PIEZO2: variants seen among roughly 807,000 people sequenced by gnomAD.
PIEZO2 encodes piezo type mechanosensitive ion channel component 2.
Under a neutral mutation model 337.3 loss-of-function variants are expected in PIEZO2, and 172 were observed. That is an observed-to-expected ratio of 0.51 (90% CI 0.45 to 0.58). The LOEUF is 0.58. Ranked by LOEUF, PIEZO2 falls within the 20% of genes least tolerant of loss-of-function variation. The probability of loss-of-function intolerance (pLI) is 0.00; values close to 1 mark genes in which losing one functional copy is unlikely to be tolerated. For missense variants in PIEZO2, 3,028 were observed against 3,391.3 expected (o/e 0.89, Z 2.66); for synonymous variants, 1,251 against 1,228.5 (o/e 1.02, Z -0.38).
In PIEZO2 at chr18:10,726,331, C is replaced by A; in HGVS notation, c.5029+5076G>T. ...GTGGAGCAGGTGGGTCCCCGAACGC[C>A]CCGCCCAGCGCTGCCTCCCTTCGCC... On this transcript the variant is annotated intron_variant, in intron 36 of 55. Coordinates refer to ENST00000674853, the MANE Select transcript of PIEZO2 (RefSeq NM_001378183.1). The surrounding 1 kb of genome is among the most constrained non-coding windows in gnomAD (Gnocchi z 5.9). 6.9e-7 allele frequency: 1 copy of A among 1,444,990 alleles called. No homozygotes were observed. Among genetic ancestry groups the A allele is most frequent in the African/African-American group, 1.4e-5 (1 of 70,488 alleles). The allele number at this position is 1,444,990 out of a possible 1,614,324, so 89.5% of individuals were successfully genotyped here. A position where few individuals can be genotyped will look rare whatever the true frequency, so the allele number is the denominator to read the frequency against.
rs2039211697 is a variant in PIEZO2, at chr18:11,094,690, G to T, written c.65-28468C>A. Reference sequence around the variant, plus strand: ...GAAGAAATTCCTTTTGAATTTTTCTGTACAGATTCTAACAGGAAAGAAAAA... The same window carrying T: ...GAAGAAATTCCTTTTGAATTTTTCTTTACAGATTCTAACAGGAAAGAAAAA... On this transcript the variant is annotated intron_variant, in intron 1 of 55. Coordinates refer to ENST00000674853, the MANE Select transcript of PIEZO2 (RefSeq NM_001378183.1). This position sits in a 1 kb window ranked among gnomAD's most constrained non-coding sequence, Gnocchi z 4.4. Among the ~76,000 whole-genome samples the T allele has an allele frequency of 6.6e-6, 1 of 152,176 alleles. No individual in the cohort carries two copies. The highest frequency in any genetic ancestry group is 1.5e-5 in the Non-Finnish European group (1 of 68,038).
intron 27 of PIEZO2, among the ~76,000 whole-genome samples, chr18:10,755,424 T>C (rs2037798989): frequency 6.6e-6 from 1 of 152,110 alleles, no homozygotes; most frequent in Non-Finnish European, 1.5e-5. Flanking sequence ...GTATGAAAAG[T>C]CACAGCAGCT....
chr18:10,893,942 C>T (rs2042824566), intron 4 of PIEZO2, among the ~76,000 whole-genome samples: 1 of 152,122 alleles, frequency 6.6e-6, no homozygotes, highest in African/African-American at 2.4e-5. Context: ...ATGAGTGAGG[C>T]AGGAGAGGAT....
At chr18:10,836,489 G>T (rs1376768962) in intron 7 of PIEZO2, among the ~76,000 whole-genome samples, 1 of 152,158 alleles carries the variant, frequency 6.6e-6, no homozygotes, top group East Asian at 1.9e-4. Flanking sequence ...GAGGAAAGGA[G>T]CTACAACTAG....
intron 2 of PIEZO2, among the ~76,000 whole-genome samples, chr18:11,013,193 AT>A (rs2035965671): frequency 6.6e-6 from 1 of 152,220 alleles, no homozygotes; most frequent in South Asian, 2.1e-4. Flanking sequence ...TTGAGAGATG[AT>A]TGTGGACTAC....
chr18:10,839,370 G>T (rs1232832534), intron 7 of PIEZO2, among the ~76,000 whole-genome samples: 7 of 152,194 alleles, frequency 4.6e-5, no homozygotes, highest in Admixed American at 4.6e-4. Flanking sequence ...TCTGTGTTGG[G>T]TTCTACCTGC....
In PIEZO2 at chr18:10,747,215, G is replaced by A. The variant is rs557980603; in HGVS notation, c.4424+1256C>T. Among the ~76,000 whole-genome samples, 80 of 152,276 alleles carry A rather than the reference G, an allele frequency of 5.3e-4. No individual in the cohort carries two copies. The Middle Eastern group carries it at 0.01, about 19-fold the overall frequency. On this transcript the variant is annotated intron_variant, in intron 30 of 55. Coordinates refer to ENST00000674853, the MANE Select transcript of PIEZO2 (RefSeq NM_001378183.1). Reference sequence around the variant, plus strand: ...GTGACAACTTTGGGAAAAAGACACCGGGGAACATTCTCGTTTGAGAGATGG... The same window carrying A: ...GTGACAACTTTGGGAAAAAGACACCAGGGAACATTCTCGTTTGAGAGATGG...
rs56275136 is a variant in PIEZO2, at chr18:11,001,905, AGAAGGAAGGAAG to A, written c.161-22257_161-22246del. On this transcript the variant is annotated intron_variant, in intron 2 of 55. Coordinates refer to ENST00000674853, the MANE Select transcript of PIEZO2 (RefSeq NM_001378183.1). This position sits in a 1 kb window ranked among gnomAD's most constrained non-coding sequence, Gnocchi z 5.3. Reference sequence around the variant, plus strand: ...AAAAGGAGAAAAAGGGAAGGAAGGAAGAAGGAAGGAAGGAAGGAAGGAAGGAAGGAAGGAAGG... The same window carrying A: ...AAAAGGAGAAAAAGGGAAGGAAGGAAGAAGGAAGGAAGGAAGGAAGGAAGG... 0.19 allele frequency among the ~76,000 whole-genome samples: 27,066 copies of A among 139,192 alleles called. 2,598 individuals are homozygous for A. Among genetic ancestry groups the A allele is most frequent in the Middle Eastern group, 0.29 (82 of 280 alleles). 91.3% of individuals were successfully genotyped at this position (139,192 alleles called of 152,430 possible). A position where few individuals can be genotyped will look rare whatever the true frequency, so the allele number is the denominator to read the frequency against.
Position 10,781,733 on chromosome 18 carries a change from C to T in PIEZO2, c.2493-1367G>A, listed in dbSNP as rs998528262. Among the ~76,000 whole-genome samples, 3 of 152,092 alleles carry T rather than the reference C, an allele frequency of 2.0e-5. No individual in the cohort carries two copies. The highest frequency in any genetic ancestry group is 4.4e-5 in the Non-Finnish European group (3 of 68,030). ...CTGCTTCATACACAAGTGACATGTGCCTACATTACATCTGTGTGCATAAGC... is the reference window on the plus strand; with the variant it reads ...CTGCTTCATACACAAGTGACATGTGTCTACATTACATCTGTGTGCATAAGC... On this transcript the variant is annotated intron_variant, in intron 17 of 55. Transcript: ENST00000674853. This position sits in a 1 kb window ranked among gnomAD's most constrained non-coding sequence, Gnocchi z 4.1.
At position 11,143,050 on chromosome 18, in the gene PIEZO2, G is replaced by A. The variant is rs1275311397; in HGVS notation, c.64+5475C>T. On this transcript the variant is annotated intron_variant, in intron 1 of 55. Coordinates refer to ENST00000674853, the MANE Select transcript of PIEZO2 (RefSeq NM_001378183.1). The surrounding 1 kb of genome is among the most constrained non-coding windows in gnomAD (Gnocchi z 4.9). ...GCCAAGATCACGCCACTGCACTCCA[G>A]CCTGGGTGACAGAGCAAGACTCCGT... is the stretch of plus-strand genomic sequence containing the variant. Among the ~76,000 whole-genome samples, 2 of 152,174 alleles carry A rather than the reference G, an allele frequency of 1.3e-5. No homozygotes were observed. The highest frequency in any genetic ancestry group is 1.3e-4 in the Admixed American group (2 of 15,274).
chr18:10,808,094 A>AT (rs1174521083), intron 7 of PIEZO2, among the ~76,000 whole-genome samples: 1 of 151,880 alleles, frequency 6.6e-6, no homozygotes, highest in East Asian at 1.9e-4. Flanking sequence ...TCTTTTATTT[A>AT]TTTTTTGTTT....
In PIEZO2 at chr18:10,853,556, C is replaced by G. The variant is rs1598585523; in HGVS notation, c.917+1797G>C. Among the ~76,000 whole-genome samples, 1 of 152,194 alleles carries G rather than the reference C, an allele frequency of 6.6e-6. No individual in the cohort carries two copies. Among genetic ancestry groups the G allele is most frequent in the African/African-American group, 2.4e-5 (1 of 41,456 alleles). Reference sequence around the variant, plus strand: ...TGCTGCGAGACTCAGATGTGTTTCACTGCTAACATTACCATTTCTGTCCCC... The same window carrying G: ...TGCTGCGAGACTCAGATGTGTTTCAGTGCTAACATTACCATTTCTGTCCCC... On this transcript the variant is annotated intron_variant, in intron 7 of 55. Coordinates refer to ENST00000674853, the MANE Select transcript of PIEZO2 (RefSeq NM_001378183.1). This position sits in a 1 kb window ranked among gnomAD's most constrained non-coding sequence, Gnocchi z 4.2.
rs939025165 is a variant in PIEZO2, at chr18:10,953,981, C to T, written c.286+25554G>A. On this transcript the variant is annotated intron_variant, in intron 3 of 55. Transcript: ENST00000674853. The surrounding 1 kb of genome is among the most constrained non-coding windows in gnomAD (Gnocchi z 5.2). ...ACCAGGTGGTGTGCAGCTGGTTCAG[C>T]ACAGGGTCACATCTGCTGAAAGCAG... is the stretch of plus-strand genomic sequence containing the variant. Among the ~76,000 whole-genome samples, 1 of 152,204 alleles carries T rather than the reference C, an allele frequency of 6.6e-6. No individual in the cohort carries two copies.
intron 16 of PIEZO2, among the ~76,000 whole-genome samples, chr18:10,786,301 T>C (rs1057444912): frequency 6.6e-6 from 1 of 152,226 alleles, no homozygotes; most frequent in Admixed American, 6.5e-5. Context: ...AGGGCTTAGA[T>C]TTTGTCTGTC....
chr18:10,742,426 A>T, intron 32 of PIEZO2, 68 bp downstream of exon 32: 2 of 1,481,828 alleles, frequency 1.3e-6, no homozygotes, highest in Non-Finnish European at 1.8e-6. Context: ...GTTATTTTAC[A>T]GCCCTGCTCA....
chr18:11,034,444 C>G (rs994161939), intron 2 of PIEZO2, among the ~76,000 whole-genome samples: 1 of 152,046 alleles, frequency 6.6e-6, no homozygotes, highest in Non-Finnish European at 1.5e-5. Flanking sequence ...AGGCGCCCGC[C>G]ACCACGCCAG....
intron 1 of PIEZO2, among the ~76,000 whole-genome samples, chr18:11,107,188 C>T (rs888084787): frequency 2.0e-5 from 3 of 151,832 alleles, no homozygotes; most frequent in Non-Finnish European, 4.4e-5. Context: ...GATATTATCC[C>T]GTAGGGTTGC....
chr18:11,137,633 G>A (rs118117920), intron 1 of PIEZO2, among the ~76,000 whole-genome samples: 1,798 of 152,286 alleles, frequency 0.012, 13 homozygotes, highest in Middle Eastern at 0.02. Context: ...CTGCAGCAAT[G>A]CCAAAGGCAG....
At position 10,940,056 on chromosome 18, in the gene PIEZO2, G is replaced by A. The variant is rs963735899; in HGVS notation, c.287-28828C>T. 2.6e-5 allele frequency among the ~76,000 whole-genome samples: 4 copies of A among 152,068 alleles called. No homozygotes were observed. Among genetic ancestry groups the A allele is most frequent in the Admixed American group, 2.6e-4 (4 of 15,258 alleles). On this transcript the variant is annotated intron_variant, in intron 3 of 55. Transcript: ENST00000674853. The surrounding 1 kb of genome is among the most constrained non-coding windows in gnomAD (Gnocchi z 5.3). ...TAGTTCCTTATTATCTATACTCTGG[G>A]GACAGTGAGTTTCCCCTCATCAGAA...
Sources: gnomAD v4.1 joint callset for allele counts (sites outside exome capture counted in the v4.1 genomes callset) on GRCh38, gnomAD v4.1.1 for gene constraint, Gnocchi (gnomAD v3.1) non-coding constraint, MANE v1.5 for transcripts, NCBI Gene and HGNC (gene_info 2026-07-23, HGNC 2026-07-21) for gene names.